RASGRF2: variants seen among roughly 807,000 people sequenced by gnomAD.
The protein encoded by RASGRF2 is ras-specific guanine nucleotide-releasing factor 2.
A neutral mutation model predicts 151.0 loss-of-function variants in RASGRF2; 76 were observed. The observed-to-expected ratio is 0.50, with a 90% CI of 0.42 to 0.61. The LOEUF is 0.61. Ranked by LOEUF, RASGRF2 falls within the 20% of genes least tolerant of loss-of-function variation. RASGRF2 has a pLI of 0.00. For synonymous variants in RASGRF2, 504 were observed against 566.5 expected (o/e 0.89, Z 1.57); for missense variants, 1,148 against 1,564.6 (o/e 0.73, Z 4.49).
chr5:80,964,125 C>T (rs1747653519), intron 1 of RASGRF2, among the ~76,000 whole-genome samples: 1 of 151,738 alleles, frequency 6.6e-6, no homozygotes, highest in African/African-American at 2.4e-5. Flanking sequence ...ATAGTGTTCT[C>T]AGATTTCACT....
chr5:81,083,269 CT>C (rs199506836), intron 7 of RASGRF2, among the ~76,000 whole-genome samples: 199 of 143,000 alleles, frequency 1.4e-3, no homozygotes, highest in East Asian at 1.6e-3. Context: ...AGGGTTCTCA[CT>C]TTTTTTTTTT....
chr5:80,964,109 T>G (rs1747653116), intron 1 of RASGRF2, among the ~76,000 whole-genome samples: 1 of 152,124 alleles, frequency 6.6e-6, no homozygotes, highest in Admixed American at 6.5e-5. Flanking sequence ...TTGCTCTATT[T>G]TTTTCATAGT....
chr5:81,123,060 A>C (rs1753352145), intron 15 of RASGRF2, among the ~76,000 whole-genome samples: 1 of 152,202 alleles, frequency 6.6e-6, no homozygotes, highest in Admixed American at 6.5e-5. Context: ...GTGGCTGCTG[A>C]GCACTCAATG....
intron 14 of RASGRF2, 59 bp downstream of exon 14, chr5:81,112,917 T>C (rs1488834981): frequency 6.2e-7 from 1 of 1,602,220 alleles, no homozygotes; most frequent in East Asian, 2.2e-5. Context: ...CGTTCCGGAG[T>C]CACCATGAGG....
intron 1 of RASGRF2, among the ~76,000 whole-genome samples, chr5:81,009,357 T>C (rs62367373): frequency 0.067 from 10,133 of 152,134 alleles, 381 homozygotes; most frequent in African/African-American, 0.11. Flanking sequence ...TTCTAGAGGG[T>C]AGGAGCCATC....
At chr5:81,223,624 G>C (rs1034319494) in intron 26 of RASGRF2, 7 of 151,840 alleles carry the variant, frequency 4.6e-5, no homozygotes, top group Non-Finnish European at 1.0e-4. Context: ...CTGGGCGACA[G>C]AGCGAGACTC....
At position 81,038,413 on chromosome 5, in the gene RASGRF2, T is replaced by C. The variant is rs1474307203; in HGVS notation, c.289-4464T>C. Among the ~76,000 whole-genome samples the C allele has an allele frequency of 3.0e-4, 45 of 152,110 alleles. 1 individual carries two copies. The highest frequency in any genetic ancestry group is 3.0e-3 in the Admixed American group (45 of 15,254). On this transcript the variant is annotated intron_variant, in intron 1 of 26. Coordinates refer to ENST00000265080, the MANE Select transcript of RASGRF2 (RefSeq NM_006909.3). ...CATCTAATGGGAATGAACTGTTATT[T>C]TTTTTTAGTTTTCATTTCCCTGATT...
chr5:81,216,038 C>T (rs1282119831), intron 24 of RASGRF2, 83 bp downstream of exon 24: 1 of 1,241,148 alleles, frequency 8.1e-7, no homozygotes, highest in African/African-American at 1.6e-5. Context: ...AGTGACCTAC[C>T]ACCTACTTTG....
chr5:80,998,568 C>T (rs1748973146), intron 1 of RASGRF2, among the ~76,000 whole-genome samples: 1 of 152,216 alleles, frequency 6.6e-6, no homozygotes, highest in Non-Finnish European at 1.5e-5. Flanking sequence ...GTGCTCACTG[C>T]ATCATGCCAC....
At chr5:81,217,888 A>G (rs1044329857) in intron 25 of RASGRF2, among the ~76,000 whole-genome samples, 13 of 151,506 alleles carry the variant, frequency 8.6e-5, no homozygotes, top group Non-Finnish European at 1.6e-4. Context: ...GACTACAGGC[A>G]CCTGCCACCA....
rs1753065218 is a variant in RASGRF2, at chr5:81,113,656, A to G, written c.2206A>G (p.Thr736Ala). 2 of 1,613,052 alleles carry G rather than the reference A, an allele frequency of 1.2e-6. No homozygotes were observed. The change falls in exon 15 of 27, where the codon ACA becomes GCA. Residue 736 changes from threonine to alanine, a missense_variant. This residue lies in a region of RASGRF2 where 646 missense variants were observed against 807.4 expected (regional missense o/e 0.80). Coordinates refer to ENST00000265080, the MANE Select transcript of RASGRF2 (RefSeq NM_006909.3). ...SSPPPLAVSR[T>A]SSPVRARKLS... ...CCCGCCACCACTGGCTGTGTCCAGA[A>G]CATCTTCCCCAGTGAGGGCCAGAAA...
intron 12 of RASGRF2, among the ~76,000 whole-genome samples, chr5:81,100,161 C>A (rs980872196): frequency 2.0e-5 from 3 of 152,146 alleles, no homozygotes; most frequent in Non-Finnish European, 4.4e-5. Context: ...CCCGCCTCGG[C>A]CTTCCAAAGT....
chr5:80,982,694 G>A (rs911005832), intron 1 of RASGRF2, among the ~76,000 whole-genome samples: 14 of 151,204 alleles, frequency 9.3e-5, no homozygotes, highest in African/African-American at 1.2e-4. Flanking sequence ...TCTGCCTCCC[G>A]GGTTCATGCC....
At chr5:81,061,823 G>A (rs1751442805) in intron 2 of RASGRF2, among the ~76,000 whole-genome samples, 1 of 151,566 alleles carries the variant, frequency 6.6e-6, no homozygotes, top group Non-Finnish European at 1.5e-5. Flanking sequence ...AGTAGCTGGG[G>A]CTACAGGTGC....
At chr5:81,152,156 CA>C (rs1301637139) in intron 17 of RASGRF2, among the ~76,000 whole-genome samples, 6 of 152,158 alleles carry the variant, frequency 3.9e-5, no homozygotes, top group Non-Finnish European at 7.3e-5. Context: ...TGCGTGCCAA[CA>C]TGCCTAGCTA....
At chr5:81,208,621 A>G (rs10805937) in intron 22 of RASGRF2, among the ~76,000 whole-genome samples, 183 bp downstream of exon 22, 83,325 of 144,324 alleles carry the variant, frequency 0.58, 24,372 homozygotes, top group African/African-American at 0.7. Context: ...GCGTGATCTC[A>G]GCTCACTGCA....
At chr5:81,128,170 T>A in intron 17 of RASGRF2, among the ~76,000 whole-genome samples, 1 of 151,966 alleles carries the variant, frequency 6.6e-6, no homozygotes. Context: ...GGTAAAAGGA[T>A]AAAAGGTTCA....
At chr5:81,103,469 G>C (rs1225079971) in intron 12 of RASGRF2, among the ~76,000 whole-genome samples, 2 of 151,926 alleles carry the variant, frequency 1.3e-5, no homozygotes, top group South Asian at 2.1e-4. Context: ...GAGTTAGAAG[G>C]CCCAATATAC....
chr5:81,186,151 A>T (rs1755021076), intron 18 of RASGRF2, among the ~76,000 whole-genome samples: 1 of 152,236 alleles, frequency 6.6e-6, no homozygotes, highest in Non-Finnish European at 1.5e-5. Context: ...AATAATGAAT[A>T]ACTTGAGTTT....
Sources: gnomAD v4.1 joint callset for allele counts (sites outside exome capture counted in the v4.1 genomes callset) on GRCh38, gnomAD v4.1.1 for gene constraint, gnomAD v4.1.1 regional missense constraint, MANE v1.5 for transcripts, NCBI Gene and HGNC (gene_info 2026-07-23, HGNC 2026-07-21) for gene names.